Variants in SALL3 observed in about 807,000 individuals in gnomAD.
SALL3 encodes spalt like transcription factor 3, also known as sal-like protein 3.
Under a neutral mutation model 66.2 loss-of-function variants are expected in SALL3, and 25 were observed. The ratio of observed to expected loss-of-function variants is 0.38; its 90% CI spans 0.28 to 0.53. SALL3 has a LOEUF of 0.53. Among genes scored for constraint, SALL3 ranks in the 20% least tolerant of loss-of-function variants. The pLI is 0.85. For missense variants in SALL3, 2,194 were observed against 1,916.5 expected, an observed-to-expected ratio of 1.14 and a Z score of -2.70; for synonymous variants, 1,152 against 899.1, an observed-to-expected ratio of 1.28 and a Z score of -5.03.
At position 78,993,278 on chromosome 18, in the gene SALL3, C is replaced by T. The variant is rs780792521; in HGVS notation, c.1287C>T (p.Phe429=). The T allele has an allele frequency of 4.3e-6, 7 of 1,610,728 alleles. No homozygotes were observed. The highest frequency in any genetic ancestry group is 2.2e-5 in the East Asian group (1 of 44,798). ...KHKCRFCAKV[F]GSDSALQIHL... ...AATGCCGCTTCTGCGCCAAGGTCTT[C>T]GGCAGCGACAGCGCGCTCCAGATCC... The change falls in exon 2 of 3, where the codon TTC becomes TTT. Residue 429 remains phenylalanine (F), a synonymous_variant. Transcript: ENST00000537592.
At position 78,993,228 on chromosome 18, in the gene SALL3, G is replaced by T; in HGVS notation, c.1237G>T (p.Ala413Ser). ...GTCGGTGTTCGAGCCCAAAGCCAGC[G>T]CCGAGGACCCGTTCTTCAAGCACAA... is the stretch of plus-strand genomic sequence containing the variant. ...NVSVFEPKAS[A>S]EDPFFKHKCR... The change falls in exon 2 of 3, where the codon GCC becomes TCC. Residue 413 changes from alanine to serine, a missense_variant. Transcript: ENST00000537592. 6.2e-7 allele frequency: 1 copy of T among 1,611,152 alleles called. No homozygotes were observed. Among genetic ancestry groups the T allele is most frequent in the Non-Finnish European group, 8.5e-7 (1 of 1,179,734 alleles).
intron 1 of SALL3, among the ~76,000 whole-genome samples, chr18:78,980,763 G>A (rs961850719): frequency 6.8e-6 from 1 of 146,186 alleles, no homozygotes; most frequent in Non-Finnish European, 1.5e-5. Context: ...CCCACCTACC[G>A]CTGGACGCGG....
At position 78,995,130 on chromosome 18, in the gene SALL3, C is replaced by G. The variant is rs1388146276; in HGVS notation, c.3139C>G (p.Gln1047Glu). Reference sequence around the variant, plus strand: ...CCCCAACTTTGCTCTAGGTCCCAGCCAAAGCACTCCTAGCCTGATCTCCAG... The same window carrying G: ...CCCCAACTTTGCTCTAGGTCCCAGCGAAAGCACTCCTAGCCTGATCTCCAG... The part of the protein sequence containing the change: ...FDPNFALGPS[Q>E]STPSLISSAA... The change falls in exon 2 of 3, where the codon CAA (glutamine) becomes GAA (glutamate). Residue 1047 changes from glutamine (Q) to glutamate (E), a missense_variant. By Grantham distance (29) the Gln-to-Glu change is conservative (BLOSUM62 2). Coordinates refer to ENST00000537592, the MANE Select transcript of SALL3 (RefSeq NM_171999.4). The G allele has an allele frequency of 5.0e-6, 8 of 1,613,776 alleles. No individual in the cohort carries two copies. The Admixed American group carries it at 6.7e-5, about 13-fold the overall frequency.
chr18:78,993,329 G>A lies in SALL3; in HGVS notation c.1338G>A (p.Arg446=). Residue 446 remains arginine, a synonymous_variant, in exon 2 of 3, where the codon CGG becomes CGA. Transcript: ENST00000537592. The part of the protein sequence containing the change: ...QIHLRSHTGE[R]PFKCNICGNR... ...ACCTGCGCTCGCACACAGGCGAGCGGCCCTTCAAGTGCAACATCTGCGGGA... is the reference window on the plus strand; with the variant it reads ...ACCTGCGCTCGCACACAGGCGAGCGACCCTTCAAGTGCAACATCTGCGGGA... 6.2e-7 allele frequency: 1 copy of A among 1,612,410 alleles called. No individual in the cohort carries two copies. The highest frequency in any genetic ancestry group is 8.5e-7 in the Non-Finnish European group (1 of 1,179,904).
chr18:78,992,784 C>G lies in SALL3; in HGVS notation c.793C>G (p.Pro265Ala). ...CCAGCTGCCCGGGCTGGCCGCGCTC[C>G]CGCTGTCGGCCGGGGCCCCTGCCGC... ...PSQLPGLAAL[P>A]LSAGAPAAAI... is the part of the protein sequence containing the mutation. The change falls in exon 2 of 3, where the codon CCG (proline) becomes GCG (alanine). Residue 265 changes from proline to alanine, a missense_variant. Pro to Ala is a conservative substitution (Grantham distance 27). Coordinates refer to ENST00000537592, the MANE Select transcript of SALL3 (RefSeq NM_171999.4). The G allele has an allele frequency of 3.0e-6, 3 of 990,822 alleles. No individual in the cohort carries two copies. The highest frequency in any genetic ancestry group is 3.6e-6 in the Non-Finnish European group (3 of 835,298). 61.4% of individuals were successfully genotyped at this position (990,822 alleles called of 1,614,324 possible). A position where few individuals can be genotyped will look rare whatever the true frequency, so the allele number is the denominator to read the frequency against.
At chr18:78,985,272 C>A (rs1043078287) in intron 1 of SALL3, among the ~76,000 whole-genome samples, 2 of 152,202 alleles carry the variant, frequency 1.3e-5, no homozygotes, top group African/African-American at 2.4e-5. Context: ...GAGCTTGCGC[C>A]GTGCTGCACG....
intron 2 of SALL3, 113 bp downstream of exon 2, chr18:78,995,575 G>A: frequency 2.1e-6 from 3 of 1,430,084 alleles, no homozygotes; most frequent in South Asian, 1.5e-5. Flanking sequence ...CCTGGCCAGG[G>A]GGGTGAGATG....
Position 78,994,491 on chromosome 18 carries a change from C to A in SALL3, c.2500C>A (p.Pro834Thr), listed in dbSNP as rs760437377. Residue 834 changes from proline to threonine, a missense_variant, in exon 2 of 3, where the codon CCC becomes ACC. Transcript: ENST00000537592. Reference sequence around the variant, plus strand: ...CGCGGGGTCCTGCCCGCCCTCCCCGCCCTCGGTCATCTCCAGCATTGCCGC... The same window carrying A: ...CGCGGGGTCCTGCCCGCCCTCCCCGACCTCGGTCATCTCCAGCATTGCCGC... The part of the protein sequence containing the change: ...SYAGSCPPSP[P>T]SVISSIAALE... The A allele has an allele frequency of 6.2e-7, 1 of 1,611,878 alleles. No homozygotes were observed. Among genetic ancestry groups the A allele is most frequent in the Non-Finnish European group, 8.5e-7 (1 of 1,179,422 alleles).
rs1018466512 is a variant in SALL3 at position 78,993,885 on chromosome 18, G to A, written c.1894G>A (p.Gly632Ser). The change falls in exon 2 of 3, where the codon GGC (glycine) becomes AGC (serine). Residue 632 changes from glycine (G) to serine (S), a missense_variant. Coordinates refer to ENST00000537592, the MANE Select transcript of SALL3 (RefSeq NM_171999.4). The stretch of plus-strand genomic sequence containing the variant: ...GGTGGACGGCGCACCCACGAGCCTC[G>A]GCAGCCCCGGGCTGCCCGCCGTCTC... Reference protein sequence around the residue: ...TSVDGAPTSLGSPGLPAVSEQ... With the variant: ...TSVDGAPTSLSSPGLPAVSEQ... 1.9e-6 allele frequency: 3 copies of A among 1,575,424 alleles called. No homozygotes were observed. The highest frequency in any genetic ancestry group is 1.4e-5 in the African/African-American group (1 of 73,814).
intron 1 of SALL3, chr18:78,991,838 A>C: frequency 2.4e-6 from 1 of 419,120 alleles, no homozygotes; most frequent in Middle Eastern, 6.1e-4. Context: ...AATGGCTTCT[A>C]TGGAATTTCA....
Position 78,992,461 on chromosome 18 carries a change from C to A in SALL3, c.470C>A (p.Pro157His). Residue 157 changes from proline (P) to histidine (H), a missense_variant, in exon 2 of 3, where the codon CCC becomes CAC. Physicochemically the swap from Pro to His is moderately conservative, Grantham distance 77. Coordinates refer to ENST00000537592, the MANE Select transcript of SALL3 (RefSeq NM_171999.4). ...CCTGCGGCCCCTGCACCCCCAACGCCCGCCTACGGCGCGCCCAGCACCAAC... is the reference window on the plus strand; with the variant it reads ...CCTGCGGCCCCTGCACCCCCAACGCACGCCTACGGCGCGCCCAGCACCAAC... Reference protein sequence around the residue: ...PPPAAPAPPTPAYGAPSTNVT... With the variant: ...PPPAAPAPPTHAYGAPSTNVT... 1 of 1,437,676 alleles carries A rather than the reference C, an allele frequency of 7.0e-7. No homozygotes were observed. The highest frequency in any genetic ancestry group is 9.1e-7 in the Non-Finnish European group (1 of 1,100,264). 89.1% of individuals were successfully genotyped at this position (1,437,676 alleles called of 1,614,324 possible). A position where few individuals can be genotyped will look rare whatever the true frequency, so the allele number is the denominator to read the frequency against.
In SALL3 at chr18:78,992,083, G is replaced by A; in HGVS notation, c.92G>A (p.Gly31Glu). ...TCTCTTGGTCTTGCAGCCGCCCCGG[G>A]GGAAGGTGCGGAGGACGCAGACAGC... ...PDGAPEHAAP[G>E]EGAEDADSGP... Residue 31 changes from glycine to glutamate, a missense_variant, in exon 2 of 3, where the codon GGG (glycine) becomes GAG (glutamate). Coordinates refer to ENST00000537592, the MANE Select transcript of SALL3 (RefSeq NM_171999.4). 4 of 1,517,026 alleles carry A rather than the reference G, an allele frequency of 2.6e-6. No homozygotes were observed. Among genetic ancestry groups the A allele is most frequent in the Non-Finnish European group, 2.7e-6 (3 of 1,129,336 alleles). 94.0% of individuals were successfully genotyped at this position (1,517,026 alleles called of 1,614,324 possible).
In SALL3 at chr18:78,994,374, A is replaced by G. The variant is rs1270301639; in HGVS notation, c.2383A>G (p.Ser795Gly). 1.2e-6 allele frequency: 2 copies of G among 1,613,412 alleles called. No individual in the cohort carries two copies. The highest frequency in any genetic ancestry group is 1.7e-6 in the Non-Finnish European group (2 of 1,179,990). ...CGACAAGAACGCGGAGACCCTGAGCAGCTACGATGACGACATGGACGAGAA... is the reference window on the plus strand; with the variant it reads ...CGACAAGAACGCGGAGACCCTGAGCGGCTACGATGACGACATGGACGAGAA... ...YDDKNAETLS[S>G]YDDDMDENSM... The change falls in exon 2 of 3, where the codon AGC (serine) becomes GGC (glycine). Residue 795 changes from serine to glycine, a missense_variant. Physicochemically the swap from Ser to Gly is moderately conservative, Grantham distance 56 (BLOSUM62 0). Transcript: ENST00000537592.
chr18:78,979,971 G>A lies in SALL3; in HGVS notation c.-304G>A, dbSNP rs1331065096. 6.9e-6 allele frequency among the ~76,000 whole-genome samples: 1 copy of A among 144,822 alleles called. No homozygotes were observed. Among genetic ancestry groups the A allele is most frequent in the Non-Finnish European group, 1.5e-5 (1 of 65,264 alleles). The stretch of plus-strand genomic sequence containing the variant: ...GGAGCCCGCGATGTGAGGCGGCGCC[G>A]GGCAGCGCGCGCCCCGGTCCCGAGG... On this transcript the variant is annotated 5_prime_UTR_variant, in exon 1 of 3. Transcript: ENST00000537592.
chr18:78,993,484 C>A lies in SALL3; in HGVS notation c.1493C>A (p.Pro498His). Residue 498 changes from proline to histidine, a missense_variant, in exon 2 of 3, where the codon CCC becomes CAC. Physicochemically the swap from Pro to His is moderately conservative, Grantham distance 77. Coordinates refer to ENST00000537592, the MANE Select transcript of SALL3 (RefSeq NM_171999.4). ...AACGTGCCCACCTGCTCGGGCATCCCCTACGGCATGTCGCTGCCCCCCGAG... is the reference window on the plus strand; with the variant it reads ...AACGTGCCCACCTGCTCGGGCATCCACTACGGCATGTCGCTGCCCCCCGAG... Reference protein sequence around the residue: ...LDNVPTCSGIPYGMSLPPEKP... With the variant: ...LDNVPTCSGIHYGMSLPPEKP... The A allele has an allele frequency of 6.2e-7, 1 of 1,611,910 alleles. No homozygotes were observed. The highest frequency in any genetic ancestry group is 8.5e-7 in the Non-Finnish European group (1 of 1,179,658).
At chr18:78,991,973 G>C (rs929430893) in intron 1 of SALL3, 101 bp from the exon 2 acceptor site, 1 of 956,702 alleles carries the variant, frequency 1.0e-6, no homozygotes, top group Non-Finnish European at 1.4e-6. Flanking sequence ...TCGAAGTGGG[G>C]TAATTTGTAC....
Position 78,993,490 on chromosome 18 carries a change from GCATGTCGCTGCCCCC to G in SALL3, c.1501_1515del (p.Met501_Pro505del). On this transcript the variant is annotated inframe_deletion, in exon 2 of 3. Coordinates refer to ENST00000537592, the MANE Select transcript of SALL3 (RefSeq NM_171999.4). ...CCCACCTGCTCGGGCATCCCCTACG[GCATGTCGCTGCCCCC>G]CGAGAAGCCCGTGACCACCTGGCTG... 1 of 1,610,088 alleles carries G rather than the reference GCATGTCGCTGCCCCC, an allele frequency of 6.2e-7. No homozygotes were observed. Among genetic ancestry groups the G allele is most frequent in the Non-Finnish European group, 8.5e-7 (1 of 1,178,960 alleles).
rs1172394260 is a variant in SALL3, at chr18:78,979,955, G to C, written c.-320G>C. On this transcript the variant is annotated 5_prime_UTR_variant, in exon 1 of 3. Transcript: ENST00000537592. ...CGAGGAGCGCGGCGCCGGAGCCCGCGATGTGAGGCGGCGCCGGGCAGCGCG... is the reference window on the plus strand; with the variant it reads ...CGAGGAGCGCGGCGCCGGAGCCCGCCATGTGAGGCGGCGCCGGGCAGCGCG... 6.9e-6 allele frequency among the ~76,000 whole-genome samples: 1 copy of C among 144,594 alleles called. No homozygotes were observed. Among genetic ancestry groups the C allele is most frequent in the Non-Finnish European group, 1.5e-5 (1 of 65,140 alleles). The allele number at this position is 144,594 out of a possible 152,430, so 94.9% of individuals were successfully genotyped here.
intron 1 of SALL3, among the ~76,000 whole-genome samples, chr18:78,983,634 A>G (rs1393756404): frequency 6.6e-6 from 1 of 152,178 alleles, no homozygotes; most frequent in Non-Finnish European, 1.5e-5. Flanking sequence ...GAATTAAGGG[A>G]AAGAAGCTCG....
Sources: gnomAD v4.1 joint callset for allele counts (sites outside exome capture counted in the v4.1 genomes callset) on GRCh38, gnomAD v4.1.1 for gene constraint, MANE v1.5 for transcripts, NCBI Gene and HGNC (gene_info 2026-07-23, HGNC 2026-07-21) for gene names.